The following ACER3 variants were observed in gnomAD, a reference collection of about 807,000 sequenced individuals.
ACER3 encodes alkaline ceramidase 3.
ACER3 carries 16 observed loss-of-function variants against 48.9 expected under a neutral mutation model. The observed-to-expected ratio is 0.33, with a 90% confidence interval of 0.22 to 0.50. The LOEUF is 0.50. Ranked by LOEUF, ACER3 falls within the 20% of genes least tolerant of loss-of-function variation. ACER3 has a pLI of 0.98. For missense variants in ACER3, 227 were observed against 326.0 expected (o/e 0.70, Z 2.34); for synonymous variants, 109 against 107.8 (o/e 1.01, Z -0.07).
chr11:77,004,746 C>T (rs10751271), intron 7 of ACER3, among the ~76,000 whole-genome samples: 111,433 of 152,040 alleles, frequency 0.73, 41,128 homozygotes, highest in Non-Finnish European at 0.77. Context: ...AGCATTGTTT[C>T]GATTAATGTT....
Position 77,022,951 on chromosome 11 carries a change from CCTT to C in ACER3, c.*2628_*2630del, listed in dbSNP as rs376670035. On this transcript the variant is annotated 3_prime_UTR_variant, in exon 11 of 11. Coordinates refer to ENST00000532485, the MANE Select transcript of ACER3 (RefSeq NM_018367.7). ...GCAATTTGCTTGCACATCTGAATAT[CCTT>C]CTTGTGCCTCCATTTTCACTCTTGA... The C allele has an allele frequency of 5.2e-4, 202 of 391,948 alleles. 1 individual carries two copies. Among genetic ancestry groups the C allele is most frequent in the Middle Eastern group, 1.9e-3 (3 of 1,556 alleles). 24.3% of individuals were successfully genotyped at this position (391,948 alleles called of 1,614,324 possible).
At chr11:76,995,327 A>G (rs1356872277) in intron 6 of ACER3, among the ~76,000 whole-genome samples, 1 of 152,174 alleles carries the variant, frequency 6.6e-6, no homozygotes, top group African/African-American at 2.4e-5. Context: ...CATGGTTTAT[A>G]TCCTCACTTC....
At chr11:76,868,118 A>T in intron 1 of ACER3, 1 of 1,289,480 alleles carries the variant, frequency 7.8e-7, no homozygotes. Context: ...TCCTTTTCTC[A>T]GGTTCCTTCC....
intron 1 of ACER3, among the ~76,000 whole-genome samples, chr11:76,877,973 G>A (rs1287842289): frequency 6.6e-6 from 1 of 151,140 alleles, no homozygotes; most frequent in Non-Finnish European, 1.5e-5. Context: ...TATCATTCAT[G>A]CTCCTGAGAA....
intron 1 of ACER3, among the ~76,000 whole-genome samples, chr11:76,872,360 G>C (rs1945264565): frequency 2.6e-5 from 4 of 152,100 alleles, no homozygotes. Context: ...ACAGGCGTGA[G>C]CCACCACACC....
intron 2 of ACER3, among the ~76,000 whole-genome samples, chr11:76,927,309 C>T (rs571904531): frequency 6.6e-6 from 1 of 152,206 alleles, no homozygotes; most frequent in East Asian, 1.9e-4. Context: ...TCAATAAGTA[C>T]TGGATGGATG....
rs868914927 is a variant in ACER3 at position 77,012,186 on chromosome 11, G to A, written c.498-2830G>A. Among the ~76,000 whole-genome samples, 86 of 152,148 alleles carry A rather than the reference G, an allele frequency of 5.7e-4. 1 individual carries two copies. Among genetic ancestry groups the A allele is most frequent in the African/African-American group, 2.0e-3 (81 of 41,510 alleles). ...TGAAATCCCAGCACTTTGGCAGGCC[G>A]AGGTGGGTGGATCACGAGGTCAAGA... is the stretch of plus-strand genomic sequence containing the variant. On this transcript the variant is annotated intron_variant, in intron 7 of 10. Transcript: ENST00000532485.
At chr11:76,969,783 T>C (rs569321503) in intron 3 of ACER3, among the ~76,000 whole-genome samples, 3 of 85,880 alleles carry the variant, frequency 3.5e-5, no homozygotes, top group African/African-American at 1.3e-4. Flanking sequence ...CATCAGACAC[T>C]GGGGCCTGTT....
At position 76,902,405 on chromosome 11, in the gene ACER3, T is replaced by C. The variant is rs1361166010; in HGVS notation, c.104-24152T>C. Among the ~76,000 whole-genome samples, 3 of 152,232 alleles carry C rather than the reference T, an allele frequency of 2.0e-5. No individual in the cohort carries two copies. In the East Asian group the frequency reaches 5.8e-4, roughly 29 times the overall value. On this transcript the variant is annotated intron_variant, in intron 1 of 10. Coordinates refer to ENST00000532485, the MANE Select transcript of ACER3 (RefSeq NM_018367.7). ...CATTTCAATACAAGATAAAAAGGTA[T>C]TTCACAAAAAGTGCAAAGTTTTTGC...
At chr11:76,979,788 C>T (rs1475181501) in intron 4 of ACER3, among the ~76,000 whole-genome samples, 1 of 151,510 alleles carries the variant, frequency 6.6e-6, no homozygotes, top group Non-Finnish European at 1.5e-5. Flanking sequence ...TGGAAGCTGC[C>T]ACAGATAATA....
chr11:76,878,222 A>G (rs1945433430), intron 1 of ACER3, among the ~76,000 whole-genome samples: 1 of 152,044 alleles, frequency 6.6e-6, no homozygotes, highest in Non-Finnish European at 1.5e-5. Context: ...TCATGCTCAT[A>G]TTCAACTTTA....
intron 3 of ACER3, among the ~76,000 whole-genome samples, chr11:76,962,256 G>A (rs1204656909): frequency 1.1e-4 from 14 of 130,766 alleles, no homozygotes; most frequent in African/African-American, 2.8e-4. Flanking sequence ...TCACTCTGTC[G>A]CCCAGAGTGA....
At chr11:76,968,738 A>C (rs1948211575) in intron 3 of ACER3, among the ~76,000 whole-genome samples, 1 of 152,370 alleles carries the variant, frequency 6.6e-6, no homozygotes, top group African/African-American at 2.4e-5. Flanking sequence ...CTGGCTAGCC[A>C]TATGTAGAAA....
chr11:76,879,863 A>G (rs1364214669), intron 1 of ACER3, among the ~76,000 whole-genome samples: 3 of 145,700 alleles, frequency 2.1e-5, no homozygotes, highest in African/African-American at 8.5e-5. Flanking sequence ...TGTTCATAAG[A>G]GATTTTTTTT....
At chr11:76,883,072 G>T (rs1425394963) in intron 1 of ACER3, among the ~76,000 whole-genome samples, 1 of 152,108 alleles carries the variant, frequency 6.6e-6, no homozygotes, top group East Asian at 1.9e-4. Context: ...TACTGTGTCA[G>T]CTGCACTTAT....
chr11:76,996,398 C>CATTATTATTATT (rs113842907), intron 6 of ACER3, among the ~76,000 whole-genome samples: 261 of 146,674 alleles, frequency 1.8e-3, no homozygotes, highest in African/African-American at 6.2e-3. Context: ...ATTGGCTTTC[C>CATTATTATTATT]ATTATTATTA....
intron 1 of ACER3, among the ~76,000 whole-genome samples, chr11:76,872,905 C>CTTTTTTTTTTTTTTTTTTTTTTTTTTT (rs756362938): frequency 3.2e-5 from 3 of 94,574 alleles, no homozygotes; most frequent in Admixed American, 1.1e-4. Context: ...TTTCTTTTTT[C>CTTTTTTTTTTTTTTTTTTTTTTTTTTT]TTTTTCTTTT....
intron 1 of ACER3, among the ~76,000 whole-genome samples, chr11:76,915,876 G>C (rs1176009794): frequency 6.6e-6 from 1 of 152,126 alleles, no homozygotes; most frequent in African/African-American, 2.4e-5. Context: ...TCAGTCTCAA[G>C]AACAGCATGG....
chr11:77,018,581 T>C (rs782403163), intron 9 of ACER3, among the ~76,000 whole-genome samples: 1 of 152,230 alleles, frequency 6.6e-6, no homozygotes, highest in Non-Finnish European at 1.5e-5. Context: ...TGCCAAACAG[T>C]TGGCCAAGTT....
Sources: gnomAD v4.1 joint callset for allele counts (sites outside exome capture counted in the v4.1 genomes callset) on GRCh38, gnomAD v4.1.1 for gene constraint, MANE v1.5 for transcripts, NCBI Gene and HGNC (gene_info 2026-07-23, HGNC 2026-07-21) for gene names.